The following HDGFL3 variants were observed in gnomAD, a reference collection of about 807,000 sequenced individuals.
HDGFL3 encodes hepatoma-derived growth factor-related protein 3.
In HDGFL3, 6 loss-of-function variants were observed where a neutral mutation model predicts 27.6. That is an observed-to-expected ratio of 0.22 (90% CI 0.12 to 0.43). The LOEUF is 0.43. Ranked by LOEUF, HDGFL3 falls within the 20% of genes least tolerant of loss-of-function variation. The pLI, the probability that HDGFL3 is intolerant of heterozygous loss-of-function variation, is 1.00. For missense variants in HDGFL3, 207 were observed against 250.1 expected (o/e 0.83, Z 1.16); for synonymous variants, 88 against 88.9 (o/e 0.99, Z 0.05).
At chr15:83,200,828 T>C (rs1343261291) in intron 1 of HDGFL3, among the ~76,000 whole-genome samples, 1 of 151,506 alleles carries the variant, frequency 6.6e-6, no homozygotes, top group Admixed American at 6.6e-5. Context: ...TGAAGGCTTG[T>C]GCTCACCAAT....
Position 83,115,481 on chromosome 15 carries a change from T to C in HDGFL3, c.*228A>G, listed in dbSNP as rs1411331529. The C allele has an allele frequency of 1.0e-5, 4 of 386,926 alleles. No individual in the cohort carries two copies. The East Asian group carries it at 2.6e-4, about 25-fold the overall frequency. 24.0% of individuals were successfully genotyped at this position (386,926 alleles called of 1,614,324 possible). ...TCCTTGGCCACTCAGTTACTGGCTT[T>C]GCTCCCACTGCCCATGTGGGATGTG... On this transcript the variant is annotated 3_prime_UTR_variant, in exon 4 of 4. Coordinates refer to the HDGFL3 transcript ENST00000568294.
rs376348466 is a variant in HDGFL3 at position 83,164,037 on chromosome 15, T to G, written c.123A>C (p.Ala41=). 2 of 1,611,412 alleles carry G rather than the reference T, an allele frequency of 1.2e-6. No individual in the cohort carries two copies. The highest frequency in any genetic ancestry group is 2.7e-5 in the African/African-American group (2 of 74,766). ...CAAAAAAGAAGATAGGATACTTGTT[T>G]GCTGGAGGCTTCACAGCGCCCTCTG... ...ELPEGAVKPP[A]NKYPIFFFGT... The change falls in exon 2 of 6, where the codon GCA becomes GCC. Residue 41 remains alanine (A), a synonymous_variant. Coordinates refer to ENST00000299633, the MANE Select transcript of HDGFL3 (RefSeq NM_016073.4).
intron 1 of HDGFL3, among the ~76,000 whole-genome samples, chr15:83,182,983 T>A (rs1370722953): frequency 6.6e-6 from 1 of 152,204 alleles, no homozygotes; most frequent in Non-Finnish European, 1.5e-5. Context: ...GATATTCAAC[T>A]TTTGTGTATA....
chr15:83,187,553 G>A (rs1005061811), intron 1 of HDGFL3, among the ~76,000 whole-genome samples: 2 of 152,090 alleles, frequency 1.3e-5, no homozygotes, highest in African/African-American at 4.8e-5. Flanking sequence ...CTTTCCCCAG[G>A]GATGGGCATT....
In HDGFL3 at chr15:83,132,181, T is replaced by C. The variant is rs894379243; in HGVS notation, c.*7089A>G. The C allele has an allele frequency of 6.6e-6, 1 of 152,228 alleles. No homozygotes were observed. The highest frequency in any genetic ancestry group is 2.4e-5 in the African/African-American group (1 of 41,458). 9.4% of individuals were successfully genotyped at this position (152,228 alleles called of 1,614,324 possible). On this transcript the variant is annotated 3_prime_UTR_variant, in exon 6 of 6. Coordinates refer to ENST00000299633, the MANE Select transcript of HDGFL3 (RefSeq NM_016073.4). ...TACATGTAAAGGGCTTAAAACAGTG[T>C]CTGGCACATAACAGCTATGTAACCC...
intron 4 of HDGFL3, among the ~76,000 whole-genome samples, chr15:83,157,035 T>C (rs559170982): frequency 6.6e-6 from 1 of 152,320 alleles, no homozygotes; most frequent in African/African-American, 2.4e-5. Flanking sequence ...AAGTTACATG[T>C]GATGCATTTA....
rs988812765 is a variant in HDGFL3 at position 83,119,524 on chromosome 15, T to C, written c.394-3783A>G. 4 of 1,566,618 alleles carry C rather than the reference T, an allele frequency of 2.6e-6. No individual in the cohort carries two copies. In the Admixed American group the frequency reaches 5.1e-5, roughly 20 times the overall value. Reference sequence around the variant, plus strand: ...TTTTACTTGCAATACAGGTCTGATGTTCTGCATTTACAGGTCTTATTTAAA... The same window carrying C: ...TTTTACTTGCAATACAGGTCTGATGCTCTGCATTTACAGGTCTTATTTAAA... On this transcript the variant is annotated intron_variant, in intron 3 of 3. Coordinates refer to the HDGFL3 transcript ENST00000568294.
chr15:83,191,013 GT>G (rs1193879121), intron 1 of HDGFL3, among the ~76,000 whole-genome samples: 2 of 152,100 alleles, frequency 1.3e-5, no homozygotes, highest in African/African-American at 2.4e-5. Flanking sequence ...TCATATCAGT[GT>G]TTTTAAAAAA....
intron 5 of HDGFL3, among the ~76,000 whole-genome samples, chr15:83,150,119 G>A (rs1567167188): frequency 6.6e-6 from 1 of 152,140 alleles, no homozygotes; most frequent in Non-Finnish European, 1.5e-5. Context: ...CACATTCTGA[G>A]TATTAAGGGG....
rs560692102 is a variant in HDGFL3, at chr15:83,113,067, C to T, written c.*2642G>A. 2.5e-5 allele frequency: 16 copies of T among 634,476 alleles called. No individual in the cohort carries two copies. In the East Asian group the frequency reaches 4.1e-4, roughly 16 times the overall value. 39.3% of individuals were successfully genotyped at this position (634,476 alleles called of 1,614,324 possible). A position where few individuals can be genotyped will look rare whatever the true frequency, so the allele number is the denominator to read the frequency against. ...TCTGGCCCTCGCCTCTGGCTATTGC[C>T]TCTCAGGCAGTGGACTCCACCCTCT... On this transcript the variant is annotated 3_prime_UTR_variant, in exon 4 of 4. Coordinates refer to the HDGFL3 transcript ENST00000568294.
chr15:83,175,784 C>T (rs150888504), intron 1 of HDGFL3, among the ~76,000 whole-genome samples: 81 of 152,274 alleles, frequency 5.3e-4, no homozygotes, highest in African/African-American at 1.7e-3. Context: ...GGTGTGAACC[C>T]GGGAGGCAGA....
chr15:83,172,658 T>C (rs969082045), intron 1 of HDGFL3, among the ~76,000 whole-genome samples: 2 of 151,832 alleles, frequency 1.3e-5, no homozygotes, highest in African/African-American at 4.8e-5. Context: ...GCCAACATGG[T>C]GAAACTCCGT....
intron 5 of HDGFL3, among the ~76,000 whole-genome samples, chr15:83,148,715 C>T (rs1438754495): frequency 6.6e-6 from 1 of 151,978 alleles, no homozygotes; most frequent in Non-Finnish European, 1.5e-5. Context: ...GTGGTATACC[C>T]ATAAAACTGA....
intron 5 of HDGFL3, among the ~76,000 whole-genome samples, chr15:83,149,811 G>C (rs1217446065): frequency 6.6e-6 from 1 of 152,156 alleles, no homozygotes; most frequent in African/African-American, 2.4e-5. Flanking sequence ...TCAAGATTAA[G>C]GGAGACCTTA....
In HDGFL3 at chr15:83,129,167, A is replaced by T. The variant is rs1191041279; in HGVS notation, c.*10103T>A. 3.4e-5 allele frequency: 5 copies of T among 147,366 alleles called. No homozygotes were observed. The highest frequency in any genetic ancestry group is 7.5e-5 in the Non-Finnish European group (5 of 66,658). 9.1% of individuals were successfully genotyped at this position (147,366 alleles called of 1,614,324 possible). A position where few individuals can be genotyped will look rare whatever the true frequency, so the allele number is the denominator to read the frequency against. ...TTTTACTCCAGTGATTCTCCAACCC[A>T]TTTTTTTTTTCCAGCTCCGCTGCCC... On this transcript the variant is annotated 3_prime_UTR_variant, in exon 6 of 6. Transcript: ENST00000299633.
At chr15:83,187,367 C>T (rs1257461028) in intron 1 of HDGFL3, among the ~76,000 whole-genome samples, 7 of 151,946 alleles carry the variant, frequency 4.6e-5, no homozygotes, top group African/African-American at 1.5e-4. Context: ...GAACTACTCT[C>T]TGTGTGTGTC....
At chr15:83,199,560 C>T (rs547626920) in intron 1 of HDGFL3, among the ~76,000 whole-genome samples, 1 of 152,224 alleles carries the variant, frequency 6.6e-6, no homozygotes, top group Non-Finnish European at 1.5e-5. Context: ...ACCACTGACT[C>T]CCCTACACTG....
intron 1 of HDGFL3, among the ~76,000 whole-genome samples, chr15:83,178,380 T>C (rs1372980395): frequency 6.6e-6 from 1 of 152,224 alleles, no homozygotes; most frequent in Non-Finnish European, 1.5e-5. Flanking sequence ...AGAGATGATA[T>C]ATTTCACTAG....
intron 1 of HDGFL3, among the ~76,000 whole-genome samples, chr15:83,190,160 A>AT (rs1185131866): frequency 6.8e-6 from 1 of 146,686 alleles, no homozygotes; most frequent in Non-Finnish European, 1.5e-5. Flanking sequence ...GTGAGCCATG[A>AT]TTGTGCCACT....
Sources: gnomAD v4.1 joint callset for allele counts (sites outside exome capture counted in the v4.1 genomes callset) on GRCh38, gnomAD v4.1.1 for gene constraint, MANE v1.5 for transcripts, NCBI Gene and HGNC (gene_info 2026-07-23, HGNC 2026-07-21) for gene names.